TSHZ2: variants seen among roughly 807,000 people sequenced by gnomAD.
TSHZ2 encodes teashirt homolog 2.
TSHZ2 carries 21 observed loss-of-function variants against 74.4 expected under a neutral mutation model. The ratio of observed to expected loss-of-function variants is 0.28; its 90% CI spans 0.20 to 0.41. TSHZ2 has a LOEUF of 0.41. TSHZ2 is among the 10% of genes least tolerant of loss of function. The pLI, the probability that TSHZ2 is intolerant of heterozygous loss-of-function variation, is 1.00. For synonymous variants in TSHZ2, 540 were observed against 515.3 expected (o/e 1.05, Z -0.65); for missense variants, 1,244 against 1,293.5 (o/e 0.96, Z 0.59).
At chr20:53,222,091 T>C (rs959607106) in intron 1 of TSHZ2, among the ~76,000 whole-genome samples, 8 of 152,186 alleles carry the variant, frequency 5.3e-5, no homozygotes, top group African/African-American at 1.9e-4. Flanking sequence ...TTATAATATT[T>C]AGGCTAAAAG....
chr20:53,138,365 C>G (rs1265225322), intron 1 of TSHZ2, among the ~76,000 whole-genome samples: 1 of 146,986 alleles, frequency 6.8e-6, no homozygotes, highest in African/African-American at 2.5e-5. Context: ...GCCTGGACGA[C>G]AGAGCAAGAC....
At chr20:53,305,316 A>G (rs747272741) in intron 2 of TSHZ2, among the ~76,000 whole-genome samples, 10 of 152,188 alleles carry the variant, frequency 6.6e-5, no homozygotes, top group African/African-American at 9.7e-5. Context: ...GTAAGAAACA[A>G]TGGAATGGAT....
chr20:53,321,313 A>G (rs1278536730), intron 2 of TSHZ2, among the ~76,000 whole-genome samples: 1 of 151,974 alleles, frequency 6.6e-6, no homozygotes, highest in Non-Finnish European at 1.5e-5. Context: ...TGTCTCTTAT[A>G]TCCCCAAATC....
intron 1 of TSHZ2, among the ~76,000 whole-genome samples, chr20:53,064,963 G>C (rs1047645865): frequency 6.6e-6 from 1 of 152,178 alleles, no homozygotes; most frequent in Non-Finnish European, 1.5e-5. Flanking sequence ...CATGTTAATA[G>C]ACCTATTTGA....
chr20:53,452,091 T>C (rs1984809931), intron 2 of TSHZ2, among the ~76,000 whole-genome samples: 1 of 152,234 alleles, frequency 6.6e-6, no homozygotes, highest in South Asian at 2.1e-4. Flanking sequence ...GGGAAGTCAG[T>C]AACCCCAGAT....
At chr20:53,441,743 G>C (rs1479464730) in intron 2 of TSHZ2, among the ~76,000 whole-genome samples, 1 of 151,662 alleles carries the variant, frequency 6.6e-6, no homozygotes, top group Non-Finnish European at 1.5e-5. Context: ...CACCTTGCCT[G>C]GCTAATTTTT....
intron 1 of TSHZ2, among the ~76,000 whole-genome samples, chr20:53,069,369 G>A (rs1395489990): frequency 6.6e-6 from 1 of 152,070 alleles, no homozygotes; most frequent in Non-Finnish European, 1.5e-5. Flanking sequence ...ACCGTTGGGG[G>A]AGGTGTCCAC....
chr20:53,203,646 C>G (rs1278906529), intron 1 of TSHZ2, among the ~76,000 whole-genome samples: 2 of 152,152 alleles, frequency 1.3e-5, no homozygotes, highest in African/African-American at 4.8e-5. Context: ...AGACTCATCT[C>G]CAGCCAAGGG....
At chr20:53,012,873 A>C (rs1982904920) in intron 1 of TSHZ2, among the ~76,000 whole-genome samples, 1 of 151,772 alleles carries the variant, frequency 6.6e-6, no homozygotes, top group African/African-American at 2.4e-5. Flanking sequence ...AGTGGATCCC[A>C]CTCTAAAATT....
chr20:53,330,746 C>G (rs1195263106), intron 2 of TSHZ2, among the ~76,000 whole-genome samples: 1 of 152,200 alleles, frequency 6.6e-6, no homozygotes, highest in East Asian at 1.9e-4. Flanking sequence ...GATGACAGAG[C>G]TTTGATAAGG....
At chr20:53,217,223 T>A (rs1477036388) in intron 1 of TSHZ2, among the ~76,000 whole-genome samples, 1 of 152,158 alleles carries the variant, frequency 6.6e-6, no homozygotes, top group Non-Finnish European at 1.5e-5. Context: ...GCCCCACCTG[T>A]CTGCGCTTGG....
At chr20:53,110,147 A>T (rs1446403402) in intron 1 of TSHZ2, among the ~76,000 whole-genome samples, 1 of 152,146 alleles carries the variant, frequency 6.6e-6, no homozygotes, top group Non-Finnish European at 1.5e-5. Context: ...AGTCTTAATC[A>T]GGGCATTTCC....
intron 1 of TSHZ2, among the ~76,000 whole-genome samples, chr20:53,143,963 A>T (rs1032958996): frequency 8.5e-5 from 13 of 152,222 alleles, no homozygotes; most frequent in African/African-American, 3.1e-4. Context: ...TAGGAGGTTG[A>T]AAAATGGGGA....
intron 1 of TSHZ2, among the ~76,000 whole-genome samples, chr20:53,083,160 A>G (rs762241680): frequency 7.2e-5 from 11 of 152,230 alleles, no homozygotes; most frequent in Non-Finnish European, 1.5e-4. Flanking sequence ...CTAATCATTT[A>G]TTAGATTTAT....
chr20:53,081,889 T>C (rs1030465242), intron 1 of TSHZ2, among the ~76,000 whole-genome samples: 8 of 135,996 alleles, frequency 5.9e-5, no homozygotes, highest in Admixed American at 3.7e-4. Flanking sequence ...GAAACAAATA[T>C]GTTTATTCTT....
At chr20:53,419,763 G>A (rs1452944313) in intron 2 of TSHZ2, among the ~76,000 whole-genome samples, 2 of 152,194 alleles carry the variant, frequency 1.3e-5, no homozygotes, top group Admixed American at 1.3e-4. Context: ...CCTCACTCCT[G>A]ACAAACACGG....
At chr20:53,228,733 A>G (rs1462326894) in intron 1 of TSHZ2, among the ~76,000 whole-genome samples, 1 of 142,088 alleles carries the variant, frequency 7.0e-6, no homozygotes, top group Admixed American at 6.9e-5. Flanking sequence ...GAGTTGAGAC[A>G]ACCAAAATTG....
rs970352568 is a variant in TSHZ2 at position 53,082,760 on chromosome 20, G to C, written c.40+109427G>C. 2.6e-5 allele frequency among the ~76,000 whole-genome samples: 4 copies of C among 152,216 alleles called. No individual in the cohort carries two copies. In the East Asian group the frequency reaches 7.7e-4, roughly 29 times the overall value. On this transcript the variant is annotated intron_variant, in intron 1 of 2. Transcript: ENST00000371497. ...TGGCAAGAGTTGGTTTTATGTGGGG[G>C]TGAAAAACCTGTGCTTTCATCTATG...
intron 2 of TSHZ2, among the ~76,000 whole-genome samples, chr20:53,396,338 A>G (rs546823020): frequency 6.6e-6 from 1 of 152,344 alleles, no homozygotes; most frequent in Admixed American, 6.5e-5. Flanking sequence ...GACATATACC[A>G]TGTAGTTTAT....
Sources: allele counts gnomAD v4.1 joint callset (sites outside exome capture counted in the v4.1 genomes callset), GRCh38; gene constraint gnomAD v4.1.1; transcripts MANE v1.5; gene names NCBI Gene and HGNC (gene_info 2026-07-23, HGNC 2026-07-21).